Variants in ZSWIM4 observed in about 807,000 individuals in gnomAD.
The protein encoded by ZSWIM4 is zinc finger SWIM-type containing 4, also known as zinc finger SWIM domain-containing protein 4.
In ZSWIM4, 62 loss-of-function variants were observed where a neutral mutation model predicts 102.5. That is an observed-to-expected ratio of 0.60 (90% confidence interval 0.49 to 0.75). ZSWIM4 has a LOEUF of 0.75. Ranked by LOEUF, ZSWIM4 falls within the 30% of genes least tolerant of loss-of-function variation. The pLI is 0.00. For missense variants in ZSWIM4, 1,280 were observed against 1,529.6 expected, an observed-to-expected ratio of 0.84 and a Z score of 2.72; for synonymous variants, 652 against 674.5, an observed-to-expected ratio of 0.97 and a Z score of 0.52.
Position 13,799,849 on chromosome 19 carries a change from G to A in ZSWIM4, c.283G>A (p.Asp95Asn), listed in dbSNP as rs1344452187. The change falls in exon 2 of 14, where the codon GAT (aspartate) becomes AAT (asparagine). Residue 95 changes from aspartate (D) to asparagine (N), a missense_variant. Coordinates refer to ENST00000590508, the MANE Select transcript of ZSWIM4 (RefSeq NM_001367834.3). ...LGYPPPEGEH[D>N]ARVPFTRGLH... The stretch of plus-strand genomic sequence containing the variant: ...TTACCCGCCCCCAGAGGGCGAGCAC[G>A]ATGCCCGGGTGCCCTTTACCCGCGG... 1.9e-6 allele frequency: 3 copies of A among 1,613,706 alleles called. No individual in the cohort carries two copies. Among genetic ancestry groups the A allele is most frequent in the South Asian group, 1.1e-5 (1 of 91,084 alleles).
At chr19:13,803,533 G>A (rs369820329) in intron 2 of ZSWIM4, among the ~76,000 whole-genome samples, 19 of 151,864 alleles carry the variant, frequency 1.3e-4, no homozygotes, top group African/African-American at 4.1e-4. Context: ...TATAATCCCA[G>A]CACTTTGGGA....
intron 12 of ZSWIM4, among the ~76,000 whole-genome samples, chr19:13,826,381 C>T (rs764068967): frequency 1.3e-5 from 2 of 151,964 alleles, no homozygotes; most frequent in African/African-American, 2.4e-5. Context: ...AGAGGATTGC[C>T]GCCTAAGGAG....
chr19:13,817,925 G>C lies in ZSWIM4; in HGVS notation c.1873G>C (p.Asp625His). Reference protein sequence around the residue: ...LLALLEEVELDERLVQVLRKQ... With the variant: ...LLALLEEVELHERLVQVLRKQ... ...GGCCCTGCTGGAGGAGGTGGAGTTG[G>C]ATGAGCGGTTGGTGCAGGTGCTGCG... Residue 625 changes from aspartate to histidine, a missense_variant, in exon 9 of 14, where the codon GAT (aspartate) becomes CAT (histidine). By Grantham distance (81) the Asp-to-His change is moderately conservative. Coordinates refer to ENST00000590508, the MANE Select transcript of ZSWIM4 (RefSeq NM_001367834.3). 6.5e-7 allele frequency: 1 copy of C among 1,545,194 alleles called. No homozygotes were observed. Among genetic ancestry groups the C allele is most frequent in the Non-Finnish European group, 8.7e-7 (1 of 1,143,916 alleles).
rs1332030581 is a variant in ZSWIM4, at chr19:13,830,876, G to T, written c.3147G>T (p.Thr1049=). 1 of 1,614,116 alleles carries T rather than the reference G, an allele frequency of 6.2e-7. No homozygotes were observed. Among genetic ancestry groups the T allele is most frequent in the Non-Finnish European group, 8.5e-7 (1 of 1,179,994 alleles). The change falls in exon 14 of 14, where the codon ACG becomes ACT. Residue 1049 remains threonine, a synonymous_variant. Coordinates refer to ENST00000590508, the MANE Select transcript of ZSWIM4 (RefSeq NM_001367834.3). ...TCACCACCAGCCACTCGCGCCTCACGCACATCAGCCCGCGGCACTATGGGG... is the reference window on the plus strand; with the variant it reads ...TCACCACCAGCCACTCGCGCCTCACTCACATCAGCCCGCGGCACTATGGGG... The part of the protein sequence containing the change: ...AYITTSHSRL[T]HISPRHYGDF...
chr19:13,820,340 A>T (rs1975429398), intron 10 of ZSWIM4, among the ~76,000 whole-genome samples: 1 of 151,822 alleles, frequency 6.6e-6, no homozygotes. Context: ...GGCTCAAGCG[A>T]TCCTCCCATC....
chr19:13,817,067 CAAAA>C, intron 7 of ZSWIM4, 145 bp from the exon 8 acceptor site: 2 of 974,340 alleles, frequency 2.1e-6, no homozygotes, highest in Non-Finnish European at 2.9e-6. Context: ...GACCCCACCT[CAAAA>C]AAAAAAGTTG....
intron 2 of ZSWIM4, among the ~76,000 whole-genome samples, chr19:13,801,088 A>G (rs12611231): frequency 0.22 from 32,636 of 151,408 alleles, 3,742 homozygotes; most frequent in African/African-American, 0.3. Flanking sequence ...GCCTGCAGTA[A>G]GCTATGATTG....
intron 3 of ZSWIM4, among the ~76,000 whole-genome samples, chr19:13,808,025 C>A (rs569843219): frequency 6.6e-6 from 1 of 152,214 alleles, no homozygotes; most frequent in South Asian, 2.1e-4. Flanking sequence ...GCAAACACAT[C>A]TTCACATGGC....
At position 13,830,829 on chromosome 19, in the gene ZSWIM4, G is replaced by A. The variant is rs138968128; in HGVS notation, c.3100G>A (p.Asp1034Asn). Residue 1034 changes from aspartate to asparagine, a missense_variant, in exon 14 of 14, where the codon GAC (aspartate) becomes AAC (asparagine). Transcript: ENST00000590508. ...ADRAPLCQLL[D>N]AAVTAYITTS... ...CCGGGCGCCGCTCTGCCAGCTCCTG[G>A]ACGCGGCAGTCACCGCCTACATCAC... 105 of 1,609,002 alleles carry A rather than the reference G, an allele frequency of 6.5e-5. No homozygotes were observed. In the African/African-American group the frequency reaches 1.2e-3, roughly 19 times the overall value.
intron 6 of ZSWIM4, among the ~76,000 whole-genome samples, chr19:13,814,118 G>A (rs1281470633): frequency 3.4e-5 from 5 of 145,648 alleles, no homozygotes; most frequent in Non-Finnish European, 7.5e-5. Flanking sequence ...GTGCAGTGAC[G>A]CAACCTTGGC....
At chr19:13,823,302 A>G in intron 10 of ZSWIM4, 44 bp from the exon 11 acceptor site, 4 of 1,574,118 alleles carry the variant, frequency 2.5e-6, no homozygotes, top group Non-Finnish European at 3.5e-6. Context: ...GAGAATGGGG[A>G]CAGCAGCCCC....
At chr19:13,829,803 C>G (rs1195547182) in intron 13 of ZSWIM4, among the ~76,000 whole-genome samples, 1 of 150,474 alleles carries the variant, frequency 6.6e-6, no homozygotes. Context: ...CCAGCCTGGG[C>G]AACAGAGCGA....
intron 13 of ZSWIM4, 34 bp downstream of exon 13, chr19:13,828,760 C>T (rs1037516896): frequency 1.1e-5 from 18 of 1,601,076 alleles, no homozygotes; most frequent in South Asian, 7.7e-5. Flanking sequence ...CCACCCACTT[C>T]GCTGTTCTGG....
intron 3 of ZSWIM4, among the ~76,000 whole-genome samples, chr19:13,806,534 G>A (rs1974924052): frequency 6.6e-6 from 1 of 152,010 alleles, no homozygotes; most frequent in Non-Finnish European, 1.5e-5. Context: ...TGGGCATGAT[G>A]GCACACACAC....
chr19:13,817,427 C>T (rs1975323378), intron 8 of ZSWIM4, 74 bp downstream of exon 8: 2 of 1,549,122 alleles, frequency 1.3e-6, no homozygotes, highest in Non-Finnish European at 1.8e-6. Context: ...GCCCAGTACC[C>T]CTATAAGGTA....
rs146371091 is a variant in ZSWIM4 at position 13,830,960 on chromosome 19, C to T, written c.3231C>T (p.His1077=). ...RETFLLAPDG[H]LQFSQFLENL... is the part of the protein sequence containing the mutation. ...CCTTCCTGCTGGCGCCCGACGGGCA[C>T]CTCCAGTTCTCACAGTTCTTGGAGA... Residue 1077 remains histidine, a synonymous_variant, in exon 14 of 14, where the codon CAC becomes CAT. Coordinates refer to ENST00000590508, the MANE Select transcript of ZSWIM4 (RefSeq NM_001367834.3). 5.7e-5 allele frequency: 92 copies of T among 1,614,008 alleles called. No individual in the cohort carries two copies. In the African/African-American group the frequency reaches 1.1e-3, roughly 20 times the overall value.
chr19:13,810,085 T>A (rs540147775), intron 5 of ZSWIM4, among the ~76,000 whole-genome samples: 3 of 147,972 alleles, frequency 2.0e-5, no homozygotes, highest in Non-Finnish European at 4.5e-5. Flanking sequence ...AGCTCCGCCC[T>A]CCGGGTTCAC....
chr19:13,796,563 G>A (rs892160579), intron 1 of ZSWIM4: 1 of 152,484 alleles, frequency 6.6e-6, no homozygotes, highest in Non-Finnish European at 1.5e-5. Flanking sequence ...AGGGATTACT[G>A]AAATGCCAGG....
At chr19:13,805,503 C>T (rs752087537) in intron 3 of ZSWIM4, among the ~76,000 whole-genome samples, 5 of 151,040 alleles carry the variant, frequency 3.3e-5, no homozygotes, top group South Asian at 2.1e-4. Context: ...GAATGTGGGA[C>T]GTTTGTGGGT....
Sources: allele counts gnomAD v4.1 joint callset (sites outside exome capture counted in the v4.1 genomes callset), GRCh38; gene constraint gnomAD v4.1.1; transcripts MANE v1.5; gene names NCBI Gene and HGNC (gene_info 2026-07-23, HGNC 2026-07-21).